Variants in GRID1 observed in about 807,000 individuals in gnomAD.
GRID1 encodes the protein glutamate receptor ionotropic, delta-1.
GRID1 carries 28 observed loss-of-function variants against 98.0 expected under a neutral mutation model. The observed-to-expected ratio is 0.29, with a 90% CI of 0.21 to 0.39. The LOEUF (loss-of-function observed/expected upper bound fraction) is 0.39, where lower values mean the gene tolerates loss of function less well. Among genes scored for constraint, GRID1 ranks in the 10% least tolerant of loss-of-function variants. GRID1 has a pLI of 1.00. For missense variants in GRID1, 1,111 were observed against 1,340.5 expected (o/e 0.83, Z 2.67); for synonymous variants, 553 against 538.5 (o/e 1.03, Z -0.37).
intron 8 of GRID1, among the ~76,000 whole-genome samples, chr10:85,798,473 T>C (rs1842545213): frequency 6.6e-6 from 1 of 152,206 alleles, no homozygotes; most frequent in Non-Finnish European, 1.5e-5. Flanking sequence ...GTTGTACTAT[T>C]TACCTTTCCA....
At chr10:86,217,454 A>G (rs143303569) in intron 2 of GRID1, among the ~76,000 whole-genome samples, 1 of 152,344 alleles carries the variant, frequency 6.6e-6, no homozygotes, top group East Asian at 1.9e-4. Flanking sequence ...CAGCCCTCTC[A>G]TATGGGATCC....
At position 85,766,064 on chromosome 10, in the gene GRID1, C is replaced by G. The variant is rs1842194982; in HGVS notation, c.1234-36450G>C. ...GTCGTGGCAGTACATGTGCTGCAGC[C>G]CTGGCATCACAAGTATGTGGTGGTA... On this transcript the variant is annotated intron_variant, in intron 8 of 15. Transcript: ENST00000327946. Among the ~76,000 whole-genome samples the G allele has an allele frequency of 2.6e-5, 4 of 152,136 alleles. No homozygotes were observed. In the South Asian group the frequency reaches 8.3e-4, roughly 32 times the overall value.
intron 2 of GRID1, among the ~76,000 whole-genome samples, chr10:86,225,094 A>G (rs1160755581): frequency 6.6e-6 from 1 of 152,220 alleles, no homozygotes; most frequent in Non-Finnish European, 1.5e-5. Flanking sequence ...ATTTTGCCCT[A>G]CAGAACCCTG....
At chr10:86,020,239 G>A (rs1843032091) in intron 4 of GRID1, among the ~76,000 whole-genome samples, 1 of 152,200 alleles carries the variant, frequency 6.6e-6, no homozygotes, top group South Asian at 2.1e-4. Context: ...ATAACAGAGT[G>A]GGACCTTCAC....
At chr10:86,048,638 G>A (rs2131903881) in intron 4 of GRID1, among the ~76,000 whole-genome samples, 1 of 152,334 alleles carries the variant, frequency 6.6e-6, no homozygotes, top group South Asian at 2.1e-4. Context: ...CTCCCCTCTG[G>A]AGCCAGGGTT....
intron 4 of GRID1, among the ~76,000 whole-genome samples, chr10:85,918,820 C>CT (rs1355606198): frequency 6.6e-6 from 1 of 152,200 alleles, no homozygotes; most frequent in Non-Finnish European, 1.5e-5. Context: ...AGAAGGTGAG[C>CT]AGTGCTCTCT....
At chr10:86,363,374 G>C (rs962880350) in intron 2 of GRID1, among the ~76,000 whole-genome samples, 2 of 152,274 alleles carry the variant, frequency 1.3e-5, no homozygotes, top group South Asian at 2.1e-4. Context: ...GAGAGAAACC[G>C]GCTCCTCCAA....
chr10:86,252,258 C>T (rs973003864), intron 2 of GRID1, among the ~76,000 whole-genome samples: 3 of 152,190 alleles, frequency 2.0e-5, no homozygotes, highest in Non-Finnish European at 4.4e-5. Flanking sequence ...GTTAATATCA[C>T]GCCCAGCCTG....
At chr10:86,119,632 T>C (rs76751173) in intron 4 of GRID1, among the ~76,000 whole-genome samples, 416 of 152,282 alleles carry the variant, frequency 2.7e-3, no homozygotes, top group Non-Finnish European at 4.7e-3. Context: ...CTTAGCTCGA[T>C]GTTATGTTGA....
At chr10:85,724,767 TTG>T (rs1841743993) in intron 10 of GRID1, 91 bp from the exon 11 acceptor site, 1 of 1,016,106 alleles carries the variant, frequency 9.8e-7, no homozygotes, top group African/African-American at 1.6e-5. Flanking sequence ...GTCCTTTGAG[TTG>T]CTCTGTTCAG....
chr10:86,081,819 CTA>C (rs1157125607), intron 4 of GRID1, among the ~76,000 whole-genome samples: 1 of 152,126 alleles, frequency 6.6e-6, no homozygotes, highest in Non-Finnish European at 1.5e-5. Flanking sequence ...AAAGGCAAAA[CTA>C]TAGAGAGAGT....
At chr10:86,066,198 A>G (rs1843717346) in intron 4 of GRID1, among the ~76,000 whole-genome samples, 1 of 152,178 alleles carries the variant, frequency 6.6e-6, no homozygotes, top group Admixed American at 6.5e-5. Context: ...TATTTATCAC[A>G]TCCCCCAGCC....
At chr10:85,914,924 G>A (rs1444078455) in intron 5 of GRID1, among the ~76,000 whole-genome samples, 4 of 152,120 alleles carry the variant, frequency 2.6e-5, no homozygotes, top group Admixed American at 2.0e-4. Flanking sequence ...AGGCCACCCC[G>A]GTAGTGCTCC....
intron 5 of GRID1, among the ~76,000 whole-genome samples, chr10:85,911,909 G>A (rs1198330924): frequency 3.2e-4 from 49 of 152,226 alleles, no homozygotes; most frequent in Non-Finnish European, 5.9e-5. Flanking sequence ...CTCATCCAGA[G>A]TCAAGGCTGA....
At chr10:86,166,088 G>T (rs1021741970) in intron 3 of GRID1, among the ~76,000 whole-genome samples, 3 of 152,152 alleles carry the variant, frequency 2.0e-5, no homozygotes, top group Non-Finnish European at 4.4e-5. Flanking sequence ...GTTGTTCTCA[G>T]CGGTTCTTTA....
intron 12 of GRID1, among the ~76,000 whole-genome samples, chr10:85,691,377 GT>G (rs1203222632): frequency 6.6e-6 from 1 of 152,102 alleles, no homozygotes; most frequent in South Asian, 2.1e-4. Context: ...GAATATCCAT[GT>G]TTTGTTTTAT....
chr10:85,863,689 G>T (rs1183693555), intron 6 of GRID1, among the ~76,000 whole-genome samples: 1 of 152,224 alleles, frequency 6.6e-6, no homozygotes, highest in East Asian at 1.9e-4. Context: ...ATCCAGCTAA[G>T]ACCTCTGCCC....
At chr10:85,843,346 A>T (rs1055324602) in intron 8 of GRID1, among the ~76,000 whole-genome samples, 4 of 152,122 alleles carry the variant, frequency 2.6e-5, no homozygotes, top group African/African-American at 9.6e-5. Context: ...CTTTAAAAAA[A>T]TAGGAAAAAA....
intron 2 of GRID1, among the ~76,000 whole-genome samples, chr10:86,226,324 C>T (rs1173732024): frequency 7.0e-6 from 1 of 142,470 alleles, no homozygotes; most frequent in Non-Finnish European, 1.5e-5. Context: ...CCAGCACACC[C>T]TCCCACCCCA....
Sources: allele counts gnomAD v4.1 joint callset (sites outside exome capture counted in the v4.1 genomes callset), GRCh38; gene constraint gnomAD v4.1.1; transcripts MANE v1.5; gene names NCBI Gene and HGNC (gene_info 2026-07-23, HGNC 2026-07-21).